The following GPC6 variants were observed in gnomAD, a reference collection of about 807,000 sequenced individuals.
GPC6 encodes glypican 6, also known as glypican-6.
GPC6 carries 14 observed loss-of-function variants against 55.2 expected under a neutral mutation model. That is an observed-to-expected ratio of 0.25 (90% CI 0.17 to 0.40). The LOEUF is 0.40. Ranked by LOEUF, GPC6 falls within the 10% of genes least tolerant of loss-of-function variation. The pLI, the probability that GPC6 is intolerant of heterozygous loss-of-function variation, is 1.00. For missense variants in GPC6, 641 were observed against 708.5 expected, an observed-to-expected ratio of 0.90 and a Z score of 1.08; for synonymous variants, 278 against 259.6, an observed-to-expected ratio of 1.07 and a Z score of -0.68.
intron 1 of GPC6, among the ~76,000 whole-genome samples, chr13:93,391,648 A>G (rs1053721459): frequency 6.6e-6 from 1 of 152,158 alleles, no homozygotes; most frequent in African/African-American, 2.4e-5. Context: ...ACTTCTTGCC[A>G]TGGCTCTTTT....
At chr13:93,580,168 G>A (rs1254328422) in intron 2 of GPC6, among the ~76,000 whole-genome samples, 3 of 152,046 alleles carry the variant, frequency 2.0e-5, no homozygotes, top group African/African-American at 7.2e-5. Flanking sequence ...CCTGCTTCAT[G>A]GTTCATGGGC....
intron 2 of GPC6, among the ~76,000 whole-genome samples, chr13:93,720,582 A>G (rs1197032894): frequency 6.6e-6 from 1 of 151,518 alleles, no homozygotes; most frequent in African/African-American, 2.4e-5. Flanking sequence ...CTTCTCTGAT[A>G]TTAGTTATTT....
At chr13:93,833,473 G>T (rs1425272798) in intron 3 of GPC6, among the ~76,000 whole-genome samples, 1 of 152,184 alleles carries the variant, frequency 6.6e-6, no homozygotes, top group African/African-American at 2.4e-5. Flanking sequence ...GTGATTTAGA[G>T]TTGGAGAAAT....
chr13:93,555,842 G>C (rs1364801941), intron 2 of GPC6, among the ~76,000 whole-genome samples: 1 of 152,148 alleles, frequency 6.6e-6, no homozygotes, highest in African/African-American at 2.4e-5. Context: ...ACTGAACTCA[G>C]AAAGGATCTC....
intron 2 of GPC6, among the ~76,000 whole-genome samples, chr13:93,555,846 G>T (rs1875432437): frequency 6.6e-6 from 1 of 152,178 alleles, no homozygotes; most frequent in African/African-American, 2.4e-5. Flanking sequence ...AACTCAGAAA[G>T]GATCTCCTGT....
intron 3 of GPC6, among the ~76,000 whole-genome samples, chr13:93,881,509 T>C (rs1179174875): frequency 6.6e-6 from 1 of 152,086 alleles, no homozygotes; most frequent in Non-Finnish European, 1.5e-5. Context: ...TTGACATTTT[T>C]CCAAGCAGCC....
chr13:93,926,752 A>C (rs147856917), intron 3 of GPC6, among the ~76,000 whole-genome samples: 1 of 152,074 alleles, frequency 6.6e-6, no homozygotes, highest in African/African-American at 2.4e-5. Context: ...TTAGGCAGGC[A>C]TATTGTTCCT....
chr13:94,038,133 T>G (rs1444303537), intron 4 of GPC6, among the ~76,000 whole-genome samples: 2 of 151,906 alleles, frequency 1.3e-5, no homozygotes, highest in Non-Finnish European at 2.9e-5. Context: ...TGTATATATT[T>G]AAGGTGTACA....
intron 1 of GPC6, among the ~76,000 whole-genome samples, chr13:93,298,740 G>C (rs1487571896): frequency 1.2e-4 from 18 of 151,798 alleles, no homozygotes; most frequent in Non-Finnish European, 1.5e-5. Context: ...GAGTCACCTC[G>C]CCCCATGGGT....
chr13:93,586,809 A>G (rs1177744506), intron 2 of GPC6, among the ~76,000 whole-genome samples: 2 of 152,232 alleles, frequency 1.3e-5, no homozygotes, highest in Admixed American at 6.5e-5. Flanking sequence ...GAAATGTTCT[A>G]TACTATGATG....
At chr13:93,951,511 A>C (rs964653864) in intron 3 of GPC6, among the ~76,000 whole-genome samples, 3 of 152,204 alleles carry the variant, frequency 2.0e-5, no homozygotes, top group East Asian at 1.9e-4. Flanking sequence ...AAAAATATCC[A>C]GACCTATACA....
chr13:93,665,657 G>C (rs1432378264), intron 2 of GPC6, among the ~76,000 whole-genome samples: 2 of 152,164 alleles, frequency 1.3e-5, no homozygotes, highest in Non-Finnish European at 1.5e-5. Context: ...AATGAAAGCT[G>C]TTGCTAAGAG....
chr13:94,354,359 A>C (rs977876454), intron 6 of GPC6, among the ~76,000 whole-genome samples: 2 of 151,052 alleles, frequency 1.3e-5, no homozygotes, highest in Admixed American at 6.6e-5. Context: ...AAAAAAAAAA[A>C]CAAGATACCA....
chr13:93,840,221 A>G (rs1887897729), intron 3 of GPC6, among the ~76,000 whole-genome samples: 1 of 152,204 alleles, frequency 6.6e-6, no homozygotes, highest in Non-Finnish European at 1.5e-5. Flanking sequence ...GCAAAGAAGA[A>G]AGAAAATCCA....
At chr13:93,453,517 T>A (rs1190176248) in intron 1 of GPC6, among the ~76,000 whole-genome samples, 1 of 107,192 alleles carries the variant, frequency 9.3e-6, no homozygotes, top group Non-Finnish European at 2.2e-5. Context: ...TTGGTCTCAC[T>A]GACTTCAAGA....
At chr13:93,627,055 G>A (rs904599513) in intron 2 of GPC6, among the ~76,000 whole-genome samples, 1 of 151,946 alleles carries the variant, frequency 6.6e-6, no homozygotes, top group Non-Finnish European at 1.5e-5. Flanking sequence ...TGCAGAACAT[G>A]CAGTTTTGTT....
chr13:93,946,368 G>A lies in GPC6; in HGVS notation c.712-81361G>A, dbSNP rs370304362. Among the ~76,000 whole-genome samples, 8 of 152,228 alleles carry A rather than the reference G, an allele frequency of 5.3e-5. No homozygotes were observed. The East Asian group carries it at 7.7e-4, about 15-fold the overall frequency. ...GCTGGTCTTGAACTCCTGGGCTCAAGCAATCCTCCTGCCTTGGCCTCCAAA... is the reference window on the plus strand; with the variant it reads ...GCTGGTCTTGAACTCCTGGGCTCAAACAATCCTCCTGCCTTGGCCTCCAAA... On this transcript the variant is annotated intron_variant, in intron 3 of 8. Transcript: ENST00000377047.
intron 2 of GPC6, among the ~76,000 whole-genome samples, chr13:93,547,522 ATATAG>A (rs1874880269): frequency 1.3e-5 from 2 of 152,162 alleles, no homozygotes; most frequent in Non-Finnish European, 2.9e-5. Flanking sequence ...CCCTATAGGT[ATATAG>A]GTATACTTTG....
intron 1 of GPC6, among the ~76,000 whole-genome samples, chr13:93,274,164 A>G (rs2139057531): frequency 6.6e-6 from 1 of 152,322 alleles, no homozygotes; most frequent in African/African-American, 2.4e-5. Context: ...AAACTTTAAA[A>G]GCGAGTGGTA....
Sources: gnomAD v4.1 joint callset for allele counts (sites outside exome capture counted in the v4.1 genomes callset) on GRCh38, gnomAD v4.1.1 for gene constraint, MANE v1.5 for transcripts, NCBI Gene and HGNC (gene_info 2026-07-23, HGNC 2026-07-21) for gene names.